MEIS3: variants seen among roughly 807,000 people sequenced by gnomAD.
MEIS3 encodes Meis homeobox 3.
Under a neutral mutation model 51.4 loss-of-function variants are expected in MEIS3, and 38 were observed. The observed-to-expected ratio is 0.74, with a 90% CI of 0.57 to 0.97. The LOEUF (loss-of-function observed/expected upper bound fraction) is 0.97, where lower values mean the gene tolerates loss of function less well. Among genes scored for constraint, MEIS3 ranks in the 50% least tolerant of loss-of-function variants. The probability of loss-of-function intolerance (pLI) is 0.00; values close to 1 mark genes in which losing one functional copy is unlikely to be tolerated. For missense variants in MEIS3, 456 were observed against 502.6 expected, an observed-to-expected ratio of 0.91 and a Z score of 0.89; for synonymous variants, 198 against 201.8, an observed-to-expected ratio of 0.98 and a Z score of 0.16.
Position 47,406,896 on chromosome 19 carries a change from C to T in MEIS3, c.1070G>A (p.Arg357Gln), listed in dbSNP as rs1323296574. 7.6e-6 allele frequency: 12 copies of T among 1,571,644 alleles called. No homozygotes were observed. Among genetic ancestry groups the T allele is most frequent in the Non-Finnish European group, 1.0e-5 (12 of 1,161,158 alleles). The change falls in exon 11 of 13, where the codon CGG (arginine) becomes CAG (glutamine). Residue 357 changes from arginine to glutamine, a missense_variant. Arg to Gln is a conservative substitution (Grantham distance 43). Transcript: ENST00000558555. ...AAGGGGGCGAGGCTTACCCGGAGGCCGGACGGCCACGTGTGGCTGCGTCTC... is the reference window on the plus strand; with the variant it reads ...AAGGGGGCGAGGCTTACCCGGAGGCTGGACGGCCACGTGTGGCTGCGTCTC... ...YTETQPHVAV[R>Q]PPGSVGMSLN...
rs1454865042 is a variant in MEIS3, at chr19:47,415,059, G to C, written c.439C>G (p.Leu147Val). 1.3e-6 allele frequency: 2 copies of C among 1,557,616 alleles called. No homozygotes were observed. Among genetic ancestry groups the C allele is most frequent in the South Asian group, 2.4e-5 (2 of 84,902 alleles). Residue 147 changes from leucine (L) to valine (V), a missense_variant, in exon 5 of 13, where the codon CTG becomes GTG. Leu to Val is a conservative substitution (Grantham distance 32). Transcript: ENST00000558555. Reference protein sequence around the residue: ...IQVLRFHLLELEKVHDLCDNF... With the variant: ...IQVLRFHLLEVEKVHDLCDNF... ...AGGTGAGACGCGCTCACCTTCTCCA[G>C]CTCCAGCAGGTGGAACCGCAGCACC...
chr19:47,420,571 G>T (rs1568433776), upstream of MEIS3, among the ~76,000 whole-genome samples: 1 of 110,436 alleles, frequency 9.1e-6, no homozygotes. Context: ...GAGAGAGAGA[G>T]AGGTGCAGAC....
rs779174230 is a variant in MEIS3, at chr19:47,417,293, A to G, written c.70T>C (p.Phe24Leu). ...IVDGPAALASFPETVPAVPGP... is the reference protein window; with the variant it reads ...IVDGPAALASLPETVPAVPGP... ...GGTACTGCGGGCACTGTCTCTGGGA[A>G]GCTAGCCAGGGCTGCGGGGCCATCC... is the stretch of plus-strand genomic sequence containing the variant. Residue 24 changes from phenylalanine (F) to leucine (L), a missense_variant, in exon 2 of 13, where the codon TTC becomes CTC. Transcript: ENST00000558555. 6.2e-7 allele frequency: 1 copy of G among 1,613,664 alleles called. No homozygotes were observed. The highest frequency in any genetic ancestry group is 8.5e-7 in the Non-Finnish European group (1 of 1,179,856).
At chr19:47,409,340 C>T (rs1971009134) in intron 7 of MEIS3, 93 bp from the exon 8 acceptor site, 1 of 1,576,238 alleles carries the variant, frequency 6.3e-7, no homozygotes, top group Admixed American at 1.7e-5. Context: ...ACTCCACACC[C>T]CAGCCATCTC....
At chr19:47,415,240 G>A in intron 4 of MEIS3, 139 bp from the exon 5 acceptor site, 1 of 671,682 alleles carries the variant, frequency 1.5e-6, no homozygotes. Flanking sequence ...GGGACAGGGA[G>A]ATGCAGCAAA....
chr19:47,420,231 A>G (rs1971654754), upstream of MEIS3, among the ~76,000 whole-genome samples: 1 of 152,222 alleles, frequency 6.6e-6, no homozygotes, highest in African/African-American at 2.4e-5. Context: ...TTAATTAAAG[A>G]CACAAGGCCC....
At chr19:47,414,232 T>C (rs1201554578) in intron 6 of MEIS3, among the ~76,000 whole-genome samples, 1 of 152,110 alleles carries the variant, frequency 6.6e-6, no homozygotes, top group Non-Finnish European at 1.5e-5. Context: ...TATCTGAGTT[T>C]GCCGGGCAGT....
chr19:47,418,988 G>A (rs1971598624), intron 1 of MEIS3, 82 bp downstream of exon 1: 3 of 949,724 alleles, frequency 3.2e-6, no homozygotes, highest in Non-Finnish European at 4.1e-6. Flanking sequence ...GGGCTAATGG[G>A]GGCCAGCGCC....
In MEIS3 at chr19:47,406,449, G is replaced by A; in HGVS notation, c.*17+11C>T. 1 of 1,610,754 alleles carries A rather than the reference G, an allele frequency of 6.2e-7. No homozygotes were observed. The highest frequency in any genetic ancestry group is 8.5e-7 in the Non-Finnish European group (1 of 1,177,708). The stretch of plus-strand genomic sequence containing the variant: ...AGAATTGCACAATCCCCAGCCCTTA[G>A]ACCCTCACACCTCTCCTGCATCAGC... On this transcript the variant is annotated intron_variant, in intron 12 of 12. Coordinates refer to ENST00000558555, the MANE Select transcript of MEIS3 (RefSeq NM_001301059.2).
At chr19:47,405,235 G>A (rs1020504844) in intron 12 of MEIS3, among the ~76,000 whole-genome samples, 3 of 152,164 alleles carry the variant, frequency 2.0e-5, no homozygotes, top group Admixed American at 2.0e-4. Flanking sequence ...TAAATGAGAA[G>A]ATGCTCTAAA....
At chr19:47,414,651 C>T in intron 6 of MEIS3, 66 bp downstream of exon 6, 4 of 1,522,750 alleles carry the variant, frequency 2.6e-6, no homozygotes, top group South Asian at 1.2e-5. Context: ...TGCACATGCG[C>T]CCTCATGCGG....
At chr19:47,417,723 G>A (rs372420973) in intron 1 of MEIS3, 1 of 696,894 alleles carries the variant, frequency 1.4e-6, no homozygotes, top group Non-Finnish European at 2.6e-6. Flanking sequence ...TAGGAACCGC[G>A]CATTGTTGTA....
At chr19:47,404,701 C>T (rs1047910127) in intron 12 of MEIS3, among the ~76,000 whole-genome samples, 1 of 152,186 alleles carries the variant, frequency 6.6e-6, no homozygotes, top group Admixed American at 6.5e-5. Flanking sequence ...CAGATGCCCC[C>T]TCCTCCAGGA....
chr19:47,418,994 G>A, intron 1 of MEIS3, 76 bp downstream of exon 1: 1 of 1,020,088 alleles, frequency 9.8e-7, no homozygotes, highest in East Asian at 3.3e-5. Flanking sequence ...ATGGGGGCCA[G>A]CGCCGGAGAG....
intron 6 of MEIS3, among the ~76,000 whole-genome samples, chr19:47,414,050 G>A (rs1971271071): frequency 6.6e-6 from 1 of 152,060 alleles, no homozygotes; most frequent in African/African-American, 2.4e-5. Context: ...TTGATTCTTT[G>A]TGGCCGCATC....
chr19:47,416,062 C>G (rs1365647836), intron 4 of MEIS3: 2 of 152,312 alleles, frequency 1.3e-5, no homozygotes, highest in African/African-American at 4.8e-5. Context: ...CCACACCCCG[C>G]TAATTAAATG....
rs752809239 is a variant in MEIS3, at chr19:47,403,588, G to A, written c.*18-35C>T. The A allele has an allele frequency of 3.8e-4, 154 of 402,912 alleles. 1 individual carries two copies. Among genetic ancestry groups the A allele is most frequent in the African/African-American group, 2.8e-3 (138 of 48,552 alleles). The allele number at this position is 402,912 out of a possible 1,614,324, so 25.0% of individuals were successfully genotyped here. A position where few individuals can be genotyped will look rare whatever the true frequency, so the allele number is the denominator to read the frequency against. ...GGGGAGGAGAGGCCAAGTCAGGAGCGGGCAGGGGGCCTGGCCCCACCCCAG... is the reference window on the plus strand; with the variant it reads ...GGGGAGGAGAGGCCAAGTCAGGAGCAGGCAGGGGGCCTGGCCCCACCCCAG... On this transcript the variant is annotated intron_variant, in intron 12 of 12. Coordinates refer to ENST00000558555, the MANE Select transcript of MEIS3 (RefSeq NM_001301059.2).
intron 1 of MEIS3, 112 bp from the exon 2 acceptor site, chr19:47,417,462 A>G (rs1333100313): frequency 7.5e-7 from 1 of 1,325,432 alleles, no homozygotes; most frequent in African/African-American, 1.5e-5. Flanking sequence ...TCTGTGTCCC[A>G]GAAACCTGCC....
chr19:47,406,537 A>G lies in MEIS3; in HGVS notation c.1079-11T>C. The stretch of plus-strand genomic sequence containing the variant: ...TCATCCCCACTGATCCTGGAAGACA[A>G]AAAAAAAGGAGGGTAAGTGCGTCTT... On this transcript the variant is annotated splice_polypyrimidine_tract_variant and intron_variant, in intron 11 of 12. Transcript: ENST00000558555. 6.2e-7 allele frequency: 1 copy of G among 1,611,698 alleles called. No individual in the cohort carries two copies. Among genetic ancestry groups the G allele is most frequent in the Non-Finnish European group, 8.5e-7 (1 of 1,178,288 alleles).
Sources: allele counts gnomAD v4.1 joint callset (sites outside exome capture counted in the v4.1 genomes callset), GRCh38; gene constraint gnomAD v4.1.1; transcripts MANE v1.5; gene names NCBI Gene and HGNC (gene_info 2026-07-23, HGNC 2026-07-21).